The following CACNA1D variants were observed in gnomAD, a reference collection of about 807,000 sequenced individuals.
The protein encoded by CACNA1D is voltage-dependent L-type calcium channel subunit alpha-1D.
A neutral mutation model predicts 257.1 loss-of-function variants in CACNA1D; 55 were observed. The ratio of observed to expected loss-of-function variants is 0.21; its 90% CI spans 0.17 to 0.27. CACNA1D has a LOEUF of 0.27. CACNA1D is among the 10% of genes least tolerant of loss of function. CACNA1D has a pLI of 1.00. For missense variants in CACNA1D, 1,876 were observed against 2,784.0 expected, an observed-to-expected ratio of 0.67 and a Z score of 7.34; for synonymous variants, 980 against 1,014.9, an observed-to-expected ratio of 0.97 and a Z score of 0.65.
rs1553707850 is a variant in CACNA1D at position 53,507,086 on chromosome 3, A to AAC, written c.483+5367_483+5368insCA. On this transcript the variant is annotated intron_variant, in intron 3 of 47. Coordinates refer to ENST00000350061, the MANE Select transcript of CACNA1D (RefSeq NM_001128840.3). ...AGACTCTATCTCAAAAAAAAAAAAA[A>AAC]AAAAAAACAAAAAAATGTGGTAGAA... Among the ~76,000 whole-genome samples, 7 of 151,150 alleles carry AAC rather than the reference A, an allele frequency of 4.6e-5. No homozygotes were observed. In the East Asian group the frequency reaches 5.8e-4, roughly 13 times the overall value.
chr3:53,799,447 C>T (rs895897203), intron 40 of CACNA1D, among the ~76,000 whole-genome samples: 10 of 152,296 alleles, frequency 6.6e-5, no homozygotes, highest in Admixed American at 3.3e-4. Flanking sequence ...GCTGTGAGGG[C>T]GCCAGGGGAG....
At position 53,810,019 on chromosome 3, in the gene CACNA1D, G is replaced by A. The variant is rs370271185; in HGVS notation, c.5913G>A (p.Lys1971=). ...GCCTAGATTCAAGTAAAGCCCAGAA[G>A]TACTCACCGAGTCACTCGACCCGGT... ...VAGLDSSKAQ[K]YSPSHSTRSW... is the part of the protein sequence containing the mutation. Residue 1971 remains lysine (K), a synonymous_variant, in exon 47 of 48, where the codon AAG becomes AAA. Transcript: ENST00000350061. The A allele has an allele frequency of 5.0e-6, 8 of 1,613,878 alleles. No homozygotes were observed. In the African/African-American group the frequency reaches 6.7e-5, roughly 13 times the overall value.
chr3:53,495,131 C>T lies in CACNA1D; in HGVS notation c.-36C>T. 6.4e-7 allele frequency: 1 copy of T among 1,573,568 alleles called. No homozygotes were observed. The highest frequency in any genetic ancestry group is 8.7e-7 in the Non-Finnish European group (1 of 1,145,414). The stretch of plus-strand genomic sequence containing the variant: ...CCCCGCCTCAACGCCCAGCACAGTG[C>T]CCTGCACACAGTAGTCGCTCAATAA... On this transcript the variant is annotated 5_prime_UTR_variant, in exon 1 of 48. Transcript: ENST00000350061. The surrounding 1 kb of genome is among the most constrained non-coding windows in gnomAD (Gnocchi z 5.1).
chr3:53,799,673 G>A lies in CACNA1D; in HGVS notation c.4924-576G>A, dbSNP rs559696587. Among the ~76,000 whole-genome samples, 155 of 152,332 alleles carry A rather than the reference G, an allele frequency of 1.0e-3. 3 individuals carry two copies. In the South Asian group the frequency reaches 0.031, roughly 30 times the overall value. On this transcript the variant is annotated intron_variant, in intron 40 of 47. Coordinates refer to ENST00000350061, the MANE Select transcript of CACNA1D (RefSeq NM_001128840.3). ...GTCGGTGTGCGTGTCAGTCTGCTCC[G>A]TCGTGGTCCGAGTGTGCTGGTGGTT...
chr3:53,736,256 G>A (rs1001413683), intron 20 of CACNA1D, among the ~76,000 whole-genome samples: 5 of 152,038 alleles, frequency 3.3e-5, no homozygotes, highest in Non-Finnish European at 4.4e-5. Context: ...GAGGAGGATC[G>A]CTTGGGCCCA....
intron 3 of CACNA1D, among the ~76,000 whole-genome samples, chr3:53,642,554 G>C (rs1184698389): frequency 6.6e-6 from 1 of 152,220 alleles, no homozygotes; most frequent in African/African-American, 2.4e-5. Flanking sequence ...GCTAACTGTT[G>C]TAGTCTTGGC....
intron 3 of CACNA1D, 72 bp downstream of exon 3, chr3:53,501,792 T>A: frequency 2.3e-6 from 2 of 873,412 alleles, no homozygotes; most frequent in Non-Finnish European, 3.9e-6. Context: ...AACTGGCAGC[T>A]GGCCTTCTGG....
intron 3 of CACNA1D, among the ~76,000 whole-genome samples, chr3:53,594,756 C>T (rs1390188715): frequency 6.6e-6 from 1 of 152,238 alleles, no homozygotes; most frequent in Non-Finnish European, 1.5e-5. Context: ...AGCCTTCTTA[C>T]CTTTCTCACG....
chr3:53,714,667 A>G (rs1467411762), intron 9 of CACNA1D, among the ~76,000 whole-genome samples: 1 of 152,210 alleles, frequency 6.6e-6, no homozygotes, highest in African/African-American at 2.4e-5. Context: ...TAAGTACATA[A>G]CACCAAAATG....
In CACNA1D at chr3:53,501,729, C is replaced by T. The variant is rs2090611182; in HGVS notation, c.483+9C>T. On this transcript the variant is annotated intron_variant, in intron 3 of 47. Coordinates refer to ENST00000350061, the MANE Select transcript of CACNA1D (RefSeq NM_001128840.3). ...CAACAAATCATAACTTGGTAAGTGT[C>T]CTTAGAGTTCCTGCTGGTCCTGGTA... is the stretch of plus-strand genomic sequence containing the variant. The T allele has an allele frequency of 7.4e-7, 1 of 1,359,048 alleles. No homozygotes were observed. The highest frequency in any genetic ancestry group is 1.1e-6 in the Non-Finnish European group (1 of 948,428). The allele number at this position is 1,359,048 out of a possible 1,614,324, so 84.2% of individuals were successfully genotyped here. A position where few individuals can be genotyped will look rare whatever the true frequency, so the allele number is the denominator to read the frequency against.
chr3:53,738,332 C>T (rs1373270016), intron 20 of CACNA1D, among the ~76,000 whole-genome samples: 1 of 152,170 alleles, frequency 6.6e-6, no homozygotes, highest in African/African-American at 2.4e-5. Flanking sequence ...AAAGTGCTTT[C>T]CCCATGGTGC....
intron 8 of CACNA1D, among the ~76,000 whole-genome samples, chr3:53,683,988 T>G (rs1253264085): frequency 1.3e-5 from 2 of 152,126 alleles, no homozygotes; most frequent in Non-Finnish European, 2.9e-5. Flanking sequence ...ACATCAAATT[T>G]AGATGGCTGA....
chr3:53,810,758 CAAAAAAAAAAAAA>C (rs71074934), intron 47 of CACNA1D, among the ~76,000 whole-genome samples: 1 of 68,284 alleles, frequency 1.5e-5, no homozygotes, highest in Admixed American at 1.7e-4. Flanking sequence ...ACTCTTGTCT[CAAAAAAAAAAAAA>C]AAAAAAAAAA....
chr3:53,605,072 A>G (rs2093491496), intron 3 of CACNA1D, among the ~76,000 whole-genome samples: 1 of 152,236 alleles, frequency 6.6e-6, no homozygotes, highest in African/African-American at 2.4e-5. Context: ...GGTAACCTGA[A>G]TCTACCTAAT....
At chr3:53,755,518 C>G (rs1331998985) in intron 29 of CACNA1D, among the ~76,000 whole-genome samples, 1 of 152,180 alleles carries the variant, frequency 6.6e-6, no homozygotes, top group Non-Finnish European at 1.5e-5. Context: ...AAGTGAGTAG[C>G]TAAGCTATAA....
At chr3:53,628,925 T>G (rs1559939607) in intron 3 of CACNA1D, among the ~76,000 whole-genome samples, 2 of 152,258 alleles carry the variant, frequency 1.3e-5, no homozygotes, top group Non-Finnish European at 2.9e-5. Context: ...ATCACTAGCA[T>G]TCTCTTTTCT....
chr3:53,538,141 GTTTTTTT>G (rs538996336), intron 3 of CACNA1D, among the ~76,000 whole-genome samples: 155 of 90,456 alleles, frequency 1.7e-3, no homozygotes, highest in South Asian at 4.2e-3. Context: ...AGTTTTTGAA[GTTTTTTT>G]TTTTTTTTTT....
At position 53,813,613 on chromosome 3, in the gene CACNA1D, T is replaced by C. The variant is rs1246714946; in HGVS notation, c.*2207T>C. On this transcript the variant is annotated 3_prime_UTR_variant, in exon 48 of 48. Transcript: ENST00000350061. Reference sequence around the variant, plus strand: ...CCTAAGTGTCTGATAGAGGCGATGATCTTTTCCAAAGTCAGTACTTACAAA... The same window carrying C: ...CCTAAGTGTCTGATAGAGGCGATGACCTTTTCCAAAGTCAGTACTTACAAA... 1 of 152,234 alleles carries C rather than the reference T, an allele frequency of 6.6e-6. No homozygotes were observed. The highest frequency in any genetic ancestry group is 1.9e-4 in the East Asian group (1 of 5,194). 9.4% of individuals were successfully genotyped at this position (152,234 alleles called of 1,614,324 possible).
chr3:53,717,020 C>T, intron 9 of CACNA1D, among the ~76,000 whole-genome samples: 1 of 152,218 alleles, frequency 6.6e-6, no homozygotes, highest in Non-Finnish European at 1.5e-5. Context: ...GAATCTTCGC[C>T]ATAGCGCTTC....
Sources: gnomAD v4.1 joint callset for allele counts (sites outside exome capture counted in the v4.1 genomes callset) on GRCh38, gnomAD v4.1.1 for gene constraint, Gnocchi (gnomAD v3.1) non-coding constraint, MANE v1.5 for transcripts, NCBI Gene and HGNC (gene_info 2026-07-23, HGNC 2026-07-21) for gene names.